Variants in ZKSCAN5 observed in about 807,000 individuals in gnomAD.
The protein encoded by ZKSCAN5 is zinc finger protein with KRAB and SCAN domains 5.
A neutral mutation model predicts 60.0 loss-of-function variants in ZKSCAN5; 28 were observed. The observed-to-expected ratio is 0.47, with a 90% CI of 0.35 to 0.64. ZKSCAN5 has a LOEUF of 0.64. Among genes scored for constraint, ZKSCAN5 ranks in the 30% least tolerant of loss-of-function variants. The probability of loss-of-function intolerance (pLI) is 0.01; values close to 1 mark genes in which losing one functional copy is unlikely to be tolerated. For synonymous variants in ZKSCAN5, 361 were observed against 371.2 expected (o/e 0.97, Z 0.31); for missense variants, 881 against 1,034.6 (o/e 0.85, Z 2.04).
At position 99,531,296 on chromosome 7, in the gene ZKSCAN5, G is replaced by C. The variant is rs202064725; in HGVS notation, c.1567G>C (p.Gly523Arg). The C allele has an allele frequency of 6.2e-7, 1 of 1,614,054 alleles. No individual in the cohort carries two copies. The highest frequency in any genetic ancestry group is 2.2e-5 in the East Asian group (1 of 44,890). The stretch of plus-strand genomic sequence containing the variant: ...GGGAATTCCCATGAAAGAGATACTA[G>C]GACAACCATCTTCAAAGAGGATGAA... ...KQGIPMKEIL[G>R]QPSSKRMNYS... The change falls in exon 7 of 7, where the codon GGA becomes CGA. Residue 523 changes from glycine (G) to arginine (R), a missense_variant. By Grantham distance (125) the Gly-to-Arg change is moderately radical (BLOSUM62 -2). Coordinates refer to ENST00000326775, the MANE Select transcript of ZKSCAN5 (RefSeq NM_145102.4).
At chr7:99,521,222 G>A (rs1267788057) in intron 5 of ZKSCAN5, among the ~76,000 whole-genome samples, 1 of 151,956 alleles carries the variant, frequency 6.6e-6, no homozygotes, top group African/African-American at 2.4e-5. Flanking sequence ...TTTTGAGATG[G>A]AGTCTCACTC....
rs553302679 is a variant in ZKSCAN5 at position 99,532,889 on chromosome 7, A to T, written c.*640A>T. 6.2e-6 allele frequency: 1 copy of T among 162,278 alleles called. No homozygotes were observed. Among genetic ancestry groups the T allele is most frequent in the Admixed American group, 6.0e-5 (1 of 16,560 alleles). 10.1% of individuals were successfully genotyped at this position (162,278 alleles called of 1,614,324 possible). A position where few individuals can be genotyped will look rare whatever the true frequency, so the allele number is the denominator to read the frequency against. ...ATTCAATCCACCACTTCTCTGTGAA[A>T]CACTCTACCTTGTTTTTGGTTTGAT... On this transcript the variant is annotated 3_prime_UTR_variant, in exon 7 of 7. Transcript: ENST00000326775.
chr7:99,531,174 C>T lies in ZKSCAN5; in HGVS notation c.1445C>T (p.Ala482Val), dbSNP rs200735211. The T allele has an allele frequency of 1.8e-4, 286 of 1,611,382 alleles. No homozygotes were observed. Among genetic ancestry groups the T allele is most frequent in the Non-Finnish European group, 1.4e-5 (17 of 1,179,428 alleles). The change falls in exon 7 of 7, where the codon GCA becomes GTA. Residue 482 changes from alanine (A) to valine (V), a missense_variant. By Grantham distance (64) the Ala-to-Val change is moderately conservative (BLOSUM62 0). This residue lies in a region of ZKSCAN5 where 490 missense variants were observed against 554.5 expected (regional missense o/e 0.88). Coordinates refer to ENST00000326775, the MANE Select transcript of ZKSCAN5 (RefSeq NM_145102.4). Reference protein sequence around the residue: ...VKKKISEYSEADMELSGKTQR... With the variant: ...VKKKISEYSEVDMELSGKTQR... The stretch of plus-strand genomic sequence containing the variant: ...AAGAAAATTTCAGAATATTCAGAAG[C>T]AGACATGGAACTATCTGGAAAAACC...
At chr7:99,518,421 CA>C (rs1236771919) in intron 3 of ZKSCAN5, among the ~76,000 whole-genome samples, 10 of 141,650 alleles carry the variant, frequency 7.1e-5, no homozygotes, top group African/African-American at 7.8e-5. Context: ...ACTCTGTCTC[CA>C]AAAAAAAAAA....
Position 99,532,000 on chromosome 7 carries a change from T to C in ZKSCAN5, c.2271T>C (p.Cys757=), listed in dbSNP as rs1216443415. 11 of 1,614,142 alleles carry C rather than the reference T, an allele frequency of 6.8e-6. No homozygotes were observed. The highest frequency in any genetic ancestry group is 8.5e-6 in the Non-Finnish European group (10 of 1,180,034). ...CDICRENVGQ[C]SHTKQHQKIY... The stretch of plus-strand genomic sequence containing the variant: ...TATGTAGAGAAAATGTTGGCCAGTG[T>C]TCCCACACCAAACAACATCAAAAAA... The change falls in exon 7 of 7, where the codon TGT becomes TGC. Residue 757 remains cysteine (C), a synonymous_variant. Coordinates refer to ENST00000326775, the MANE Select transcript of ZKSCAN5 (RefSeq NM_145102.4).
Position 99,512,480 on chromosome 7 carries a change from CG to C in ZKSCAN5, c.444del (p.Lys149ArgfsTer17). The C allele has an allele frequency of 6.2e-7, 1 of 1,613,608 alleles. No homozygotes were observed. The highest frequency in any genetic ancestry group is 1.3e-5 in the African/African-American group (1 of 75,000). Reference sequence around the variant, plus strand: ...TGTTGCCTGCCCTGATGTGCTTCCTCGGAAGATGGCAACACCTGGAGCAGTG... The same window carrying C: ...TGTTGCCTGCCCTGATGTGCTTCCTCGAAGATGGCAACACCTGGAGCAGTG... Reference protein sequence around the residue: ...QIVACPDVLPRKMATPGAVQE... With the variant: ...QIVACPDVLPXKMATPGAVQE... On this transcript the variant is annotated frameshift_variant, in exon 3 of 7. Coordinates refer to ENST00000326775, the MANE Select transcript of ZKSCAN5 (RefSeq NM_145102.4). LOFTEE classifies it high-confidence loss of function.
At position 99,519,402 on chromosome 7, in the gene ZKSCAN5, C is replaced by G. The variant is rs140768159; in HGVS notation, c.554-425C>G. On this transcript the variant is annotated intron_variant, in intron 3 of 6. Coordinates refer to ENST00000326775, the MANE Select transcript of ZKSCAN5 (RefSeq NM_145102.4). The stretch of plus-strand genomic sequence containing the variant: ...AAGCGATTATCATGCCTTATCCTCT[C>G]AAGCAGCCAGGATTACAGGCGTGCA... Among the ~76,000 whole-genome samples the G allele has an allele frequency of 7.9e-5, 12 of 151,896 alleles. No homozygotes were observed. In the East Asian group the frequency reaches 2.3e-3, roughly 30 times the overall value.
chr7:99,533,334 A>C lies in ZKSCAN5; in HGVS notation c.*1085A>C, dbSNP rs1250906023. ...AGTTTTGAGTGGGAAAGAGGATGAC[A>C]TGTGTGAGAGAGTTCTGAGCCTGTT... On this transcript the variant is annotated 3_prime_UTR_variant, in exon 7 of 7. Transcript: ENST00000326775. The C allele has an allele frequency of 3.1e-6, 2 of 642,900 alleles. No homozygotes were observed. The highest frequency in any genetic ancestry group is 5.7e-6 in the Non-Finnish European group (2 of 348,864). 39.8% of individuals were successfully genotyped at this position (642,900 alleles called of 1,614,324 possible).
chr7:99,506,245 T>C lies in ZKSCAN5; in HGVS notation c.201T>C (p.Ala67=). The part of the protein sequence containing the change: ...QYHEASGPRE[A]LSQLRVLCCE... ...ATGAGGCTTCAGGACCCCGGGAGGCTCTCAGCCAACTCCGGGTGCTCTGCT... is the reference window on the plus strand; with the variant it reads ...ATGAGGCTTCAGGACCCCGGGAGGCCCTCAGCCAACTCCGGGTGCTCTGCT... Residue 67 remains alanine, a synonymous_variant, in exon 2 of 7, where the codon GCT becomes GCC. Coordinates refer to ENST00000326775, the MANE Select transcript of ZKSCAN5 (RefSeq NM_145102.4). 1 of 1,614,146 alleles carries C rather than the reference T, an allele frequency of 6.2e-7. No homozygotes were observed. The highest frequency in any genetic ancestry group is 1.1e-5 in the South Asian group (1 of 91,082).
chr7:99,506,117 C>A lies in ZKSCAN5; in HGVS notation c.73C>A (p.Leu25Ile), dbSNP rs1018112103. 2.5e-6 allele frequency: 4 copies of A among 1,614,146 alleles called. No individual in the cohort carries two copies. In the African/African-American group the frequency reaches 5.3e-5, roughly 22 times the overall value. The change falls in exon 2 of 7, where the codon CTT becomes ATT. Residue 25 changes from leucine (L) to isoleucine (I), a missense_variant. This residue lies in a region of ZKSCAN5 where 88 missense variants were observed against 65.2 expected (regional missense o/e 1.35). Coordinates refer to ENST00000326775, the MANE Select transcript of ZKSCAN5 (RefSeq NM_145102.4). Reference sequence around the variant, plus strand: ...TGAGACTTCCCAGGAGCAGGAAGACCTTTTCATAGTGAAGGTGGAAGAAGA... The same window carrying A: ...TGAGACTTCCCAGGAGCAGGAAGACATTTTCATAGTGAAGGTGGAAGAAGA... ...PAETSQEQED[L>I]FIVKVEEEDC...
intron 4 of ZKSCAN5, 46 bp from the exon 5 acceptor site, chr7:99,520,123 A>G (rs1801460394): frequency 6.2e-7 from 1 of 1,604,326 alleles, no homozygotes; most frequent in Non-Finnish European, 8.5e-7. Context: ...CTCACTCCAA[A>G]TTTGGACATA....
chr7:99,529,649 C>T (rs534963713), intron 6 of ZKSCAN5, among the ~76,000 whole-genome samples: 3 of 152,338 alleles, frequency 2.0e-5, no homozygotes, highest in Admixed American at 6.5e-5. Flanking sequence ...ATACTGTTAT[C>T]CACAGAAGTT....
Position 99,526,380 on chromosome 7 carries a change from A to G in ZKSCAN5, c.1340A>G (p.Glu447Gly). 6.2e-7 allele frequency: 1 copy of G among 1,601,998 alleles called. No individual in the cohort carries two copies. The highest frequency in any genetic ancestry group is 8.5e-7 in the Non-Finnish European group (1 of 1,179,928). ...TTCGGTCGCCATTCGCATCTGATCG[A>G]ACACCTAAAACGCCACTTCAGGGAG... ...KNFGRHSHLI[E>G]HLKRHFREKS... is the part of the protein sequence containing the mutation. Residue 447 changes from glutamate (E) to glycine (G), a missense_variant, in exon 6 of 7, where the codon GAA becomes GGA. By Grantham distance (98) the Glu-to-Gly change is moderately conservative. Coordinates refer to ENST00000326775, the MANE Select transcript of ZKSCAN5 (RefSeq NM_145102.4).
At chr7:99,530,966 A>T (rs1290229349) in intron 6 of ZKSCAN5, 142 bp from the exon 7 acceptor site, 1 of 692,082 alleles carries the variant, frequency 1.4e-6, no homozygotes, top group East Asian at 3.0e-5. Flanking sequence ...CTGAGGCAGG[A>T]GAATCACTTG....
At chr7:99,518,432 A>AT (rs200304463) in intron 3 of ZKSCAN5, among the ~76,000 whole-genome samples, 3 of 151,602 alleles carry the variant, frequency 2.0e-5, no homozygotes, top group Non-Finnish European at 2.9e-5. Context: ...AAAAAAAAAA[A>AT]TTTTTTTTAA....
chr7:99,524,237 AT>A (rs896551048), intron 5 of ZKSCAN5, among the ~76,000 whole-genome samples: 13 of 151,796 alleles, frequency 8.6e-5, no homozygotes, highest in Non-Finnish European at 1.6e-4. Flanking sequence ...CGCCTGGCTA[AT>A]TTTTTTCGTA....
At position 99,532,731 on chromosome 7, in the gene ZKSCAN5, C is replaced by A. The variant is rs1337237242; in HGVS notation, c.*482C>A. The A allele has an allele frequency of 6.4e-6, 1 of 156,394 alleles. No homozygotes were observed. The highest frequency in any genetic ancestry group is 2.4e-5 in the African/African-American group (1 of 41,472). 9.7% of individuals were successfully genotyped at this position (156,394 alleles called of 1,614,324 possible). On this transcript the variant is annotated 3_prime_UTR_variant, in exon 7 of 7. Coordinates refer to ENST00000326775, the MANE Select transcript of ZKSCAN5 (RefSeq NM_145102.4). ...TGAACCTTTTCTAGAAATTATTATT[C>A]CAACCACTAGAATACCCTAGTCACT... is the stretch of plus-strand genomic sequence containing the variant.
At chr7:99,513,698 C>A in intron 3 of ZKSCAN5, 1 of 284,964 alleles carries the variant, frequency 3.5e-6, no homozygotes. Context: ...CAGCCTCCCT[C>A]ATAGATTTTC....
At chr7:99,518,346 A>G (rs1801359788) in intron 3 of ZKSCAN5, among the ~76,000 whole-genome samples, 1 of 151,160 alleles carries the variant, frequency 6.6e-6, no homozygotes, top group African/African-American at 2.4e-5. Context: ...GCTTGAACCC[A>G]GGAGGCGGAG....
Sources: gnomAD v4.1 joint callset for allele counts (sites outside exome capture counted in the v4.1 genomes callset) on GRCh38, gnomAD v4.1.1 for gene constraint, gnomAD v4.1.1 regional missense constraint, MANE v1.5 for transcripts, NCBI Gene and HGNC (gene_info 2026-07-23, HGNC 2026-07-21) for gene names.